FOLH1: variants seen among roughly 807,000 people sequenced by gnomAD.
FOLH1 encodes the protein folate hydrolase 1, also known as glutamate carboxypeptidase 2.
A neutral mutation model predicts 93.9 loss-of-function variants in FOLH1; 54 were observed. The ratio of observed to expected loss-of-function variants is 0.57; its 90% CI spans 0.46 to 0.72. The LOEUF is 0.72. FOLH1 is among the 30% of genes least tolerant of loss of function. The pLI, the probability that FOLH1 is intolerant of heterozygous loss-of-function variation, is 0.00. For synonymous variants in FOLH1, 249 were observed against 303.6 expected, an observed-to-expected ratio of 0.82 and a Z score of 1.87; for missense variants, 571 against 892.5, an observed-to-expected ratio of 0.64 and a Z score of 4.59.
chr11:49,152,590 T>A (rs1357878741), intron 17 of FOLH1, among the ~76,000 whole-genome samples: 8 of 152,180 alleles, frequency 5.3e-5, no homozygotes, highest in Non-Finnish European at 1.5e-5. Context: ...ACAACATTTG[T>A]AAAATTATTT....
At chr11:49,198,079 AGGCT>A (rs1862820539) in intron 3 of FOLH1, among the ~76,000 whole-genome samples, 1 of 151,928 alleles carries the variant, frequency 6.6e-6, no homozygotes, top group Admixed American at 6.6e-5. Context: ...ATTATGTAAC[AGGCT>A]TTGGTAACAT....
intron 13 of FOLH1, among the ~76,000 whole-genome samples, chr11:49,159,284 A>G (rs548056637): frequency 6.0e-4 from 92 of 152,264 alleles, no homozygotes; most frequent in African/African-American, 1.9e-3. Flanking sequence ...TATGGCTCTT[A>G]TTATTTTGAG....
intron 10 of FOLH1, 74 bp from the exon 11 acceptor site, chr11:49,171,351 T>C: frequency 2.2e-6 from 3 of 1,364,388 alleles, no homozygotes; most frequent in Non-Finnish European, 2.9e-6. Flanking sequence ...AAGCCCAGAT[T>C]GGAAAAAAAA....
At chr11:49,194,598 A>C (rs1453123127) in intron 3 of FOLH1, among the ~76,000 whole-genome samples, 4 of 152,074 alleles carry the variant, frequency 2.6e-5, no homozygotes, top group Non-Finnish European at 5.9e-5. Flanking sequence ...TAAAATTCAC[A>C]CTAGAGGAAG....
Position 49,200,295 on chromosome 11 carries a change from T to G in FOLH1, c.371A>C (p.His124Pro). ...ATTAATTATTGAGATGTAGTTGGGA[T>G]GAGTCTTATTTGGGTAGGACAACAG... ...DVLLSYPNKTHPNYISIINED... is the reference protein window; with the variant it reads ...DVLLSYPNKTPPNYISIINED... Residue 124 changes from histidine to proline, a missense_variant, in exon 3 of 19, where the codon CAT (histidine) becomes CCT (proline). Around this residue, in one of 2 missense-constraint regions of FOLH1, gnomAD observed 500 missense variants for 822.9 expected, o/e 0.61. Transcript: ENST00000256999. 1.2e-6 allele frequency: 2 copies of G among 1,606,070 alleles called. No individual in the cohort carries two copies. The highest frequency in any genetic ancestry group is 2.2e-5 in the South Asian group (2 of 89,772).
intron 11 of FOLH1, among the ~76,000 whole-genome samples, chr11:49,170,924 C>T (rs188714216): frequency 0.011 from 1,705 of 152,220 alleles, 14 homozygotes; most frequent in Non-Finnish European, 0.019. Flanking sequence ...AGCATATCTA[C>T]TTATTTACTC....
At chr11:49,182,786 G>C (rs1403375953) in intron 7 of FOLH1, among the ~76,000 whole-genome samples, 1 of 152,132 alleles carries the variant, frequency 6.6e-6, no homozygotes, top group Non-Finnish European at 1.5e-5. Context: ...GTGCCTTCCA[G>C]AAACAGGCCT....
intron 12 of FOLH1, among the ~76,000 whole-genome samples, chr11:49,165,512 G>A (rs569961246): frequency 6.6e-6 from 1 of 152,206 alleles, no homozygotes; most frequent in Non-Finnish European, 1.5e-5. Context: ...ACACAGCACA[G>A]GGAGGGGCTG....
intron 4 of FOLH1, among the ~76,000 whole-genome samples, chr11:49,191,852 C>T (rs1184427293): frequency 2.0e-5 from 3 of 152,154 alleles, no homozygotes; most frequent in South Asian, 2.1e-4. Context: ...TGTGTGTCAC[C>T]GCATCTGGCT....
intron 3 of FOLH1, among the ~76,000 whole-genome samples, chr11:49,198,395 T>C (rs550689011): frequency 4.6e-4 from 69 of 151,244 alleles, no homozygotes; most frequent in African/African-American, 1.5e-3. Context: ...GACAGGAGAA[T>C]GGTGTGAACC....
At chr11:49,148,582 A>C (rs1172912109) in intron 18 of FOLH1, 57 bp downstream of exon 18, 2 of 1,336,192 alleles carry the variant, frequency 1.5e-6, no homozygotes, top group Non-Finnish European at 2.1e-6. Flanking sequence ...GAAAAAAATA[A>C]AAATAATTAG....
intron 13 of FOLH1, among the ~76,000 whole-genome samples, chr11:49,160,694 G>A (rs1018251740): frequency 4.6e-5 from 7 of 151,990 alleles, no homozygotes; most frequent in Admixed American, 1.3e-4. Flanking sequence ...TGCCCTCCTC[G>A]GCCTCCCAAA....
intron 12 of FOLH1, among the ~76,000 whole-genome samples, chr11:49,168,182 T>C (rs1415644243): frequency 1.3e-5 from 2 of 151,452 alleles, no homozygotes; most frequent in African/African-American, 4.9e-5. Context: ...AATTACTTAA[T>C]AATGACAGTG....
intron 11 of FOLH1, among the ~76,000 whole-genome samples, chr11:49,170,260 C>G (rs2135062108): frequency 6.6e-6 from 1 of 152,206 alleles, no homozygotes; most frequent in Middle Eastern, 3.4e-3. Context: ...AAATTTCTGC[C>G]TTACTTTTAG....
In FOLH1 at chr11:49,208,280, G is replaced by A; in HGVS notation, c.118+12C>T. The A allele has an allele frequency of 1.3e-6, 2 of 1,522,460 alleles. No individual in the cohort carries two copies. The highest frequency in any genetic ancestry group is 2.4e-5 in the East Asian group (1 of 41,344). The allele number at this position is 1,522,460 out of a possible 1,614,324, so 94.3% of individuals were successfully genotyped here. On this transcript the variant is annotated intron_variant, in intron 1 of 18. Coordinates refer to ENST00000256999, the MANE Select transcript of FOLH1 (RefSeq NM_004476.3). ...AAGACTCCGAGGTTTGCTCCGCGAGGCGCCCCCCTACCGAAGAGGAAGCCG... is the reference window on the plus strand; with the variant it reads ...AAGACTCCGAGGTTTGCTCCGCGAGACGCCCCCCTACCGAAGAGGAAGCCG...
intron 4 of FOLH1, among the ~76,000 whole-genome samples, chr11:49,189,713 C>T (rs1861814937): frequency 6.6e-6 from 1 of 152,076 alleles, no homozygotes; most frequent in Non-Finnish European, 1.5e-5. Flanking sequence ...AAGTAGCCAT[C>T]TTAAGTTGGG....
In FOLH1 at chr11:49,145,794, T is replaced by C. The variant is rs969196247; in HGVS notation, c.*962A>G. Among the ~76,000 whole-genome samples the C allele has an allele frequency of 6.6e-6, 1 of 152,210 alleles. No homozygotes were observed. Among genetic ancestry groups the C allele is most frequent in the African/African-American group, 2.4e-5 (1 of 41,454 alleles). The stretch of plus-strand genomic sequence containing the variant: ...TGCTGTAACAATTAATAATTCTTCA[T>C]ATTAACTTTCCCTATTCACATTACT... On this transcript the variant is annotated 3_prime_UTR_variant, in exon 19 of 19. Transcript: ENST00000256999.
At chr11:49,159,906 C>CTTT in intron 13 of FOLH1, among the ~76,000 whole-genome samples, 1 of 144,476 alleles carries the variant, frequency 6.9e-6, no homozygotes, top group South Asian at 2.2e-4. Context: ...TTTTCCTTTT[C>CTTT]TTTTTTTTTT....
intron 10 of FOLH1, among the ~76,000 whole-genome samples, chr11:49,172,860 G>A (rs140727970): frequency 2.5e-3 from 379 of 152,300 alleles, no homozygotes; most frequent in Admixed American, 3.9e-3. Context: ...GAGCACACCA[G>A]GGCTCAGGAT....
Sources: gnomAD v4.1 joint callset for allele counts (sites outside exome capture counted in the v4.1 genomes callset) on GRCh38, gnomAD v4.1.1 for gene constraint, gnomAD v4.1.1 regional missense constraint, MANE v1.5 for transcripts, NCBI Gene and HGNC (gene_info 2026-07-23, HGNC 2026-07-21) for gene names.